The following MED12L variants were observed in gnomAD, a reference collection of about 807,000 sequenced individuals.
The protein encoded by MED12L is mediator of RNA polymerase II transcription subunit 12-like protein.
MED12L carries 60 observed loss-of-function variants against 281.3 expected under a neutral mutation model. That is an observed-to-expected ratio of 0.21 (90% CI 0.17 to 0.26). The LOEUF (loss-of-function observed/expected upper bound fraction) is 0.26, where lower values mean the gene tolerates loss of function less well. Ranked by LOEUF, MED12L falls within the 10% of genes least tolerant of loss-of-function variation. MED12L has a pLI of 1.00. For missense variants in MED12L, 2,146 were observed against 2,680.9 expected, an observed-to-expected ratio of 0.80 and a Z score of 4.41; for synonymous variants, 974 against 987.2, an observed-to-expected ratio of 0.99 and a Z score of 0.25.
rs370058288 is a variant in MED12L, at chr3:151,214,131, G to A, written c.2250+20465G>A. 2.7e-5 allele frequency: 43 copies of A among 1,614,036 alleles called. No homozygotes were observed. In the African/African-American group the frequency reaches 3.7e-4, roughly 14 times the overall value. ...TCATCACAAAGTCAGCAATAACAAT[G>A]TTCTTGAGATAGATGATGAAACTCT... is the stretch of plus-strand genomic sequence containing the variant. On this transcript the variant is annotated intron_variant, in intron 16 of 44. Coordinates refer to ENST00000687756, the MANE Select transcript of MED12L (RefSeq NM_001393769.1).
chr3:151,355,152 C>T lies in MED12L; in HGVS notation c.2430C>T (p.Asn810=). 1 of 1,613,864 alleles carries T rather than the reference C, an allele frequency of 6.2e-7. No individual in the cohort carries two copies. Among genetic ancestry groups the T allele is most frequent in the East Asian group, 2.2e-5 (1 of 44,850 alleles). Residue 810 remains asparagine (N), a synonymous_variant, in exon 18 of 45, where the codon AAC becomes AAT. Transcript: ENST00000687756. Reference sequence around the variant, plus strand: ...ACGAAGGACAAAAAGCCAGGAAGAACAAACAGGAGACATTTCCAACACTGG... The same window carrying T: ...ACGAAGGACAAAAAGCCAGGAAGAATAAACAGGAGACATTTCCAACACTGG... ...VGDEGQKARK[N]KQETFPTLET... is the part of the protein sequence containing the mutation.
chr3:151,095,517 T>C (rs560395219), intron 2 of MED12L, among the ~76,000 whole-genome samples: 1 of 152,262 alleles, frequency 6.6e-6, no homozygotes, highest in East Asian at 1.9e-4. Context: ...TTTGTATTTT[T>C]AGTCGAGATG....
intron 13 of MED12L, among the ~76,000 whole-genome samples, chr3:151,190,008 C>T (rs1235560952): frequency 6.6e-6 from 1 of 152,018 alleles, no homozygotes; most frequent in Non-Finnish European, 1.5e-5. Flanking sequence ...AAAATGTGCA[C>T]CCATATTCTC....
chr3:151,340,023 T>C (rs1467892516), intron 16 of MED12L, among the ~76,000 whole-genome samples: 1 of 152,176 alleles, frequency 6.6e-6, no homozygotes, highest in Non-Finnish European at 1.5e-5. Flanking sequence ...AAAATGTCCA[T>C]GGAATTCCTT....
chr3:151,374,978 A>G (rs1006831952), intron 27 of MED12L, among the ~76,000 whole-genome samples: 12 of 152,184 alleles, frequency 7.9e-5, no homozygotes, highest in Non-Finnish European at 1.6e-4. Context: ...GTACTTTGCT[A>G]TAGGTGTCAT....
intron 2 of MED12L, 59 bp from the exon 3 acceptor site, chr3:151,116,279 G>T: frequency 8.4e-7 from 1 of 1,196,654 alleles, no homozygotes; most frequent in Non-Finnish European, 1.2e-6. Flanking sequence ...GATGCAATAT[G>T]TGGGATTATG....
chr3:151,253,663 G>A (rs1737259209), intron 16 of MED12L, among the ~76,000 whole-genome samples: 2 of 152,092 alleles, frequency 1.3e-5, no homozygotes, highest in African/African-American at 4.8e-5. Flanking sequence ...TTGTGAGGGG[G>A]TGGGTGGGTA....
At chr3:151,288,462 A>G (rs1200787265) in intron 16 of MED12L, among the ~76,000 whole-genome samples, 2 of 152,248 alleles carry the variant, frequency 1.3e-5, no homozygotes, top group Admixed American at 6.5e-5. Flanking sequence ...GGAGATCCAC[A>G]TCACTAATGG....
intron 43 of MED12L, among the ~76,000 whole-genome samples, chr3:151,424,309 T>C (rs1222809406): frequency 6.6e-6 from 1 of 152,258 alleles, no homozygotes; most frequent in Admixed American, 6.5e-5. Flanking sequence ...TACTTTTTTC[T>C]TACTAAACTG....
chr3:151,302,893 C>A (rs1458799108), intron 16 of MED12L, among the ~76,000 whole-genome samples: 1 of 152,250 alleles, frequency 6.6e-6, no homozygotes, highest in South Asian at 2.1e-4. Flanking sequence ...CAGAAATAGA[C>A]CATTTCAATA....
intron 16 of MED12L, among the ~76,000 whole-genome samples, chr3:151,308,875 G>A (rs1224529282): frequency 6.6e-6 from 1 of 152,128 alleles, no homozygotes; most frequent in East Asian, 1.9e-4. Context: ...TGCTGTTTAA[G>A]TTAATGGAGT....
chr3:151,253,348 T>C (rs903296401), intron 16 of MED12L, among the ~76,000 whole-genome samples: 1 of 152,192 alleles, frequency 6.6e-6, no homozygotes, highest in Admixed American at 6.5e-5. Context: ...TACCCCTCAC[T>C]CCAGTTTAGA....
At chr3:151,258,823 G>T (rs982805108) in intron 16 of MED12L, among the ~76,000 whole-genome samples, 21 of 140,782 alleles carry the variant, frequency 1.5e-4, no homozygotes, top group African/African-American at 4.9e-4. Context: ...CTGCACTCCA[G>T]CCTGGGCGAC....
chr3:151,420,222 A>G (rs1291602801), intron 43 of MED12L, among the ~76,000 whole-genome samples: 1 of 152,008 alleles, frequency 6.6e-6, no homozygotes, highest in Non-Finnish European at 1.5e-5. Flanking sequence ...CCTTACCTCT[A>G]TTGTGGAATA....
intron 16 of MED12L, chr3:151,248,849 GA>G (rs1736282778): frequency 6.6e-6 from 1 of 152,042 alleles, no homozygotes; most frequent in South Asian, 2.1e-4. Context: ...GCATTAGATG[GA>G]ATTTTCTTAC....
At chr3:151,360,418 G>T in intron 20 of MED12L, 56 bp from the exon 21 acceptor site, 1 of 1,530,100 alleles carries the variant, frequency 6.5e-7, no homozygotes, top group Non-Finnish European at 8.9e-7. Flanking sequence ...AGAGTCAAAT[G>T]ATAACCCACA....
chr3:151,225,753 A>G (rs75440324), intron 16 of MED12L, among the ~76,000 whole-genome samples: 6,297 of 152,070 alleles, frequency 0.041, 183 homozygotes, highest in Non-Finnish European at 0.062. Context: ...CCCACCCCCT[A>G]TCTTTTTTCA....
intron 11 of MED12L, among the ~76,000 whole-genome samples, chr3:151,169,845 G>C (rs1431624126): frequency 6.6e-6 from 1 of 152,170 alleles, no homozygotes; most frequent in African/African-American, 2.4e-5. Context: ...AACTTCTGTA[G>C]TTGCAATAGG....
chr3:151,246,106 C>T (rs1439771864), intron 16 of MED12L, among the ~76,000 whole-genome samples: 2 of 151,730 alleles, frequency 1.3e-5, no homozygotes, highest in Non-Finnish European at 2.9e-5. Context: ...AACCACTGCT[C>T]AAGGAAATAA....
Sources: gnomAD v4.1 joint callset for allele counts (sites outside exome capture counted in the v4.1 genomes callset) on GRCh38, gnomAD v4.1.1 for gene constraint, MANE v1.5 for transcripts, NCBI Gene and HGNC (gene_info 2026-07-23, HGNC 2026-07-21) for gene names.